The following CACNA1A variants were observed in gnomAD, a reference collection of about 807,000 sequenced individuals.
CACNA1A encodes calcium voltage-gated channel subunit alpha1 A, also known as voltage-dependent P/Q-type calcium channel subunit alpha-1A.
CACNA1A carries 57 observed loss-of-function variants against 262.4 expected under a neutral mutation model. The observed-to-expected ratio is 0.22, with a 90% confidence interval of 0.18 to 0.27. The LOEUF is 0.27. Ranked by LOEUF, CACNA1A falls within the 10% of genes least tolerant of loss-of-function variation. The pLI, the probability that CACNA1A is intolerant of heterozygous loss-of-function variation, is 1.00. For missense variants in CACNA1A, 2,526 were observed against 3,562.8 expected (o/e 0.71, Z 7.41); for synonymous variants, 1,431 against 1,419.3 (o/e 1.01, Z -0.18).
intron 24 of CACNA1A, chr19:13,263,071 C>A (rs914282802): frequency 1.5e-5 from 8 of 520,940 alleles, no homozygotes; most frequent in Non-Finnish European, 2.8e-5. Flanking sequence ...GGTTGAGGGC[C>A]CTTTGCCATC....
intron 3 of CACNA1A, among the ~76,000 whole-genome samples, chr19:13,386,427 C>T (rs8110342): frequency 0.034 from 5,129 of 152,186 alleles, 208 homozygotes; most frequent in East Asian, 0.095. Flanking sequence ...AGCCCTTCCT[C>T]TCCCTCTTCT....
intron 3 of CACNA1A, among the ~76,000 whole-genome samples, chr19:13,412,138 G>A (rs183416202): frequency 1.2e-4 from 19 of 152,064 alleles, no homozygotes; most frequent in African/African-American, 4.1e-4. Context: ...TGAGGCCTCC[G>A]TTACTGCTTG....
chr19:13,286,362 G>C, intron 20 of CACNA1A, 141 bp downstream of exon 20: 1 of 465,858 alleles, frequency 2.1e-6, no homozygotes, highest in East Asian at 3.3e-5. Flanking sequence ...TGTGGGGTAG[G>C]AAACTACGCC....
chr19:13,502,542 G>C (rs1470307443), intron 1 of CACNA1A, among the ~76,000 whole-genome samples: 1 of 152,114 alleles, frequency 6.6e-6, no homozygotes, highest in Admixed American at 6.5e-5. Flanking sequence ...AATCATCAGA[G>C]ACCCTCATGG....
chr19:13,435,140 G>C (rs973977456), intron 3 of CACNA1A, among the ~76,000 whole-genome samples: 1 of 151,074 alleles, frequency 6.6e-6, no homozygotes, highest in Non-Finnish European at 1.5e-5. Flanking sequence ...TTGAGATGGA[G>C]TCTCACTCTG....
At position 13,452,977 on chromosome 19, in the gene CACNA1A, G is replaced by A. The variant is rs755662617; in HGVS notation, c.438C>T (p.Phe146=). The A allele has an allele frequency of 1.9e-5, 31 of 1,613,756 alleles. No individual in the cohort carries two copies. The highest frequency in any genetic ancestry group is 2.7e-5 in the African/African-American group (2 of 74,892). ...TEPYFIGIFC[F]EAGIKIIALG... is the part of the protein sequence containing the mutation. Reference sequence around the variant, plus strand: ...GGGCAATGATTTTAATTCCAGCCTCGAAACAAAAAATTCCAATGAAGTATG... The same window carrying A: ...GGGCAATGATTTTAATTCCAGCCTCAAAACAAAAAATTCCAATGAAGTATG... Residue 146 remains phenylalanine, a synonymous_variant, in exon 3 of 47, where the codon TTC becomes TTT. Transcript: ENST00000360228.
intron 2 of CACNA1A, among the ~76,000 whole-genome samples, chr19:13,454,616 C>T (rs962722321): frequency 2.6e-5 from 4 of 152,116 alleles, no homozygotes; most frequent in Admixed American, 2.6e-4. Context: ...AAGTGATCTA[C>T]CTGCCTTGGC....
At chr19:13,242,300 C>T (rs187473269) in intron 31 of CACNA1A, among the ~76,000 whole-genome samples, 7 of 152,154 alleles carry the variant, frequency 4.6e-5, no homozygotes, top group African/African-American at 1.7e-4. Context: ...TCTTTTTCTT[C>T]CTTTTCTTTT....
chr19:13,378,652 T>C (rs2059458370), intron 3 of CACNA1A, among the ~76,000 whole-genome samples: 1 of 149,124 alleles, frequency 6.7e-6, no homozygotes, highest in Non-Finnish European at 1.5e-5. Flanking sequence ...AAACATTTAT[T>C]TATTTATTTA....
At chr19:13,252,940 C>T in intron 30 of CACNA1A, 51 bp downstream of exon 30, 1 of 1,235,292 alleles carries the variant, frequency 8.1e-7, no homozygotes, top group Non-Finnish European at 1.2e-6. Context: ...CCCATTGTTC[C>T]CCCTTGGGCT....
chr19:13,316,125 T>G (rs2058123151), intron 11 of CACNA1A: 1 of 151,948 alleles, frequency 6.6e-6, no homozygotes, highest in Admixed American at 6.6e-5. Context: ...ATCTGGCTAA[T>G]TTTTGTATTT....
At chr19:13,323,058 G>A (rs2145079832) in intron 10 of CACNA1A, among the ~76,000 whole-genome samples, 1 of 152,260 alleles carries the variant, frequency 6.6e-6, no homozygotes, top group South Asian at 2.1e-4. Flanking sequence ...GATCATTTGA[G>A]GTCAGGAATT....
In CACNA1A at chr19:13,257,425, A is replaced by G. The variant is rs757643322; in HGVS notation, c.4515T>C (p.Phe1505=). 1 of 1,613,998 alleles carries G rather than the reference A, an allele frequency of 6.2e-7. No individual in the cohort carries two copies. The highest frequency in any genetic ancestry group is 1.1e-5 in the South Asian group (1 of 91,076). The part of the protein sequence containing the change: ...VVFPFFFVNI[F]VALIIITFQE... Reference sequence around the variant, plus strand: ...GGAAGGTGATGATGATCAAGGCCACAAAGATATTGACAAAGAAGAAGGGGA... The same window carrying G: ...GGAAGGTGATGATGATCAAGGCCACGAAGATATTGACAAAGAAGAAGGGGA... Residue 1505 remains phenylalanine, a synonymous_variant, in exon 28 of 47, where the codon TTT becomes TTC. Transcript: ENST00000360228.
intron 19 of CACNA1A, among the ~76,000 whole-genome samples, chr19:13,297,720 G>A (rs141225232): frequency 6.6e-6 from 1 of 152,272 alleles, no homozygotes; most frequent in African/African-American, 2.4e-5. Flanking sequence ...GTGAGGCTGA[G>A]GCGGATGGCT....
chr19:13,209,002 C>G lies in CACNA1A; in HGVS notation c.6534G>C (p.Gly2178=). The part of the protein sequence containing the change: ...GRYTDVDTGL[G]TDLSMTTQSG... ...ATTGGGTGGTCATGCTCAGGTCTGT[C>G]CCCAAGCCTGGGCCGGGTGAGGGTC... Residue 2178 remains glycine, a synonymous_variant, in exon 46 of 47, where the codon GGG becomes GGC. Coordinates refer to ENST00000360228, the MANE Select transcript of CACNA1A (RefSeq NM_001127222.2). 6.5e-7 allele frequency: 1 copy of G among 1,537,146 alleles called. No homozygotes were observed. The highest frequency in any genetic ancestry group is 8.7e-7 in the Non-Finnish European group (1 of 1,146,896).
rs963578568 is a variant in CACNA1A at position 13,299,405 on chromosome 19, G to T, written c.2280-52C>A. ...GAGCATTGCTAGGCACTGTAGCTTGGATGGATGACCCAGGCGAACCAACCC... is the reference window on the plus strand; with the variant it reads ...GAGCATTGCTAGGCACTGTAGCTTGTATGGATGACCCAGGCGAACCAACCC... On this transcript the variant is annotated intron_variant, in intron 18 of 46. Coordinates refer to ENST00000360228, the MANE Select transcript of CACNA1A (RefSeq NM_001127222.2). The T allele has an allele frequency of 2.6e-6, 4 of 1,539,068 alleles. No individual in the cohort carries two copies. In the South Asian group the frequency reaches 4.5e-5, roughly 17 times the overall value.
At chr19:13,393,008 A>G in intron 3 of CACNA1A, among the ~76,000 whole-genome samples, 1 of 152,066 alleles carries the variant, frequency 6.6e-6, no homozygotes, top group African/African-American at 2.4e-5. Flanking sequence ...AGCTCAAGTG[A>G]TTTGCCCCCC....
rs762751380 is a variant in CACNA1A at position 13,371,698 on chromosome 19, A to C, written c.621T>G (p.Ser207=). ...VRVLRPLKLV[S]GIPSLQVVLK... ...CGGAAACTCACGCACTTGGGATTCC[A>C]GACACCAGCTTGAGCGGCCGCAGCA... The change falls in exon 4 of 47, where the codon TCT becomes TCG. Residue 207 remains serine, a synonymous_variant. Transcript: ENST00000360228. The C allele has an allele frequency of 1.3e-6, 2 of 1,574,962 alleles. No homozygotes were observed. The highest frequency in any genetic ancestry group is 2.3e-5 in the East Asian group (1 of 42,702).
chr19:13,421,268 A>C (rs2060311112), intron 3 of CACNA1A, among the ~76,000 whole-genome samples: 1 of 152,018 alleles, frequency 6.6e-6, no homozygotes, highest in Non-Finnish European at 1.5e-5. Flanking sequence ...TTAAGGTTTT[A>C]ATCCGGTGGC....
Sources: gnomAD v4.1 joint callset for allele counts (sites outside exome capture counted in the v4.1 genomes callset) on GRCh38, gnomAD v4.1.1 for gene constraint, MANE v1.5 for transcripts, NCBI Gene and HGNC (gene_info 2026-07-23, HGNC 2026-07-21) for gene names.